Variants in CEP128 observed in about 807,000 individuals in gnomAD.
The protein encoded by CEP128 is centrosomal protein 128.
CEP128 carries 132 observed loss-of-function variants against 156.7 expected under a neutral mutation model. That is an observed-to-expected ratio of 0.84 (90% CI 0.73 to 0.97). The LOEUF is 0.97. Among genes scored for constraint, CEP128 ranks in the 50% least tolerant of loss-of-function variants. The pLI, the probability that CEP128 is intolerant of heterozygous loss-of-function variation, is 0.00. For synonymous variants in CEP128, 469 were observed against 448.9 expected (o/e 1.04, Z -0.57); for missense variants, 1,252 against 1,281.9 (o/e 0.98, Z 0.36).
intron 13 of CEP128, among the ~76,000 whole-genome samples, chr14:80,807,722 C>G (rs147320876): frequency 1.3e-5 from 2 of 152,182 alleles, no homozygotes; most frequent in Admixed American, 6.5e-5. Context: ...CTGCACCAGA[C>G]GGGAACTTGT....
intron 20 of CEP128, among the ~76,000 whole-genome samples, chr14:80,562,434 T>C (rs1049443593): frequency 6.6e-6 from 1 of 152,188 alleles, no homozygotes; most frequent in Non-Finnish European, 1.5e-5. Flanking sequence ...TATAGTTTTC[T>C]GTCTCAATTG....
intron 2 of CEP128, among the ~76,000 whole-genome samples, chr14:80,919,157 G>C (rs377049270): frequency 1.3e-5 from 2 of 152,082 alleles, no homozygotes; most frequent in East Asian, 1.9e-4. Flanking sequence ...CAAAATAACT[G>C]TCTTTGAGAT....
chr14:80,844,927 G>C (rs1456020211), intron 9 of CEP128, among the ~76,000 whole-genome samples: 1 of 151,956 alleles, frequency 6.6e-6, no homozygotes, highest in Non-Finnish European at 1.5e-5. Flanking sequence ...ATCCACCACT[G>C]TTTAGGGCAT....
intron 9 of CEP128, among the ~76,000 whole-genome samples, chr14:80,860,848 A>G (rs1185573780): frequency 6.6e-6 from 1 of 152,106 alleles, no homozygotes; most frequent in Non-Finnish European, 1.5e-5. Flanking sequence ...AAATCTGTCG[A>G]TTAATAAAGA....
downstream of CEP128, among the ~76,000 whole-genome samples, chr14:80,492,859 G>A (rs1374460293): frequency 6.6e-6 from 1 of 152,064 alleles, no homozygotes; most frequent in Admixed American, 6.6e-5. Flanking sequence ...AAGATTGTAA[G>A]CTAGTGACTA....
chr14:80,773,551 T>A (rs1192607370), intron 16 of CEP128, among the ~76,000 whole-genome samples: 1 of 152,166 alleles, frequency 6.6e-6, no homozygotes, highest in Non-Finnish European at 1.5e-5. Context: ...CAAAGACAGC[T>A]GATGTCATTT....
At chr14:80,657,609 C>A (rs1433203593) in intron 19 of CEP128, among the ~76,000 whole-genome samples, 4 of 152,072 alleles carry the variant, frequency 2.6e-5, no homozygotes, top group Non-Finnish European at 5.9e-5. Context: ...AGAAATCACA[C>A]CACTGCACTC....
Position 80,789,983 on chromosome 14 carries a change from C to T in CEP128, c.1560+2777G>A, listed in dbSNP as rs1027292519. The stretch of plus-strand genomic sequence containing the variant: ...ATTTCTTGAACTGTATGTGATAGGA[C>T]TCCATATGCATTCAAAAAATCATAT... On this transcript the variant is annotated intron_variant, in intron 14 of 24. Transcript: ENST00000555265. Among the ~76,000 whole-genome samples the T allele has an allele frequency of 2.0e-5, 3 of 152,048 alleles. No homozygotes were observed. In the East Asian group the frequency reaches 5.8e-4, roughly 29 times the overall value.
intron 9 of CEP128, 103 bp downstream of exon 9, chr14:80,862,654 C>T: frequency 1.3e-6 from 1 of 776,446 alleles, no homozygotes; most frequent in Non-Finnish European, 2.2e-6. Flanking sequence ...TAATACTTCT[C>T]AGATGGGTTG....
intron 19 of CEP128, among the ~76,000 whole-genome samples, chr14:80,684,609 C>T (rs1896453660): frequency 6.6e-6 from 1 of 150,836 alleles, no homozygotes; most frequent in African/African-American, 2.4e-5. Flanking sequence ...GCCAGCATAG[C>T]ATCATTCTAA....
chr14:80,708,465 C>G (rs1595258736), intron 19 of CEP128, among the ~76,000 whole-genome samples: 1 of 152,066 alleles, frequency 6.6e-6, no homozygotes, highest in East Asian at 1.9e-4. Context: ...CTTGCAAATA[C>G]TGTTTCCATT....
At chr14:80,536,785 C>A (rs548938907) in intron 21 of CEP128, among the ~76,000 whole-genome samples, 1 of 152,242 alleles carries the variant, frequency 6.6e-6, no homozygotes, top group African/African-American at 2.4e-5. Context: ...TCTTTATGAG[C>A]CCCAGTGTTC....
rs559470308 is a variant in CEP128, at chr14:80,729,058, G to GGTGTGTGTGTGTGTGT, written c.2806+14001_2806+14016dup. Among the ~76,000 whole-genome samples the GGTGTGTGTGTGTGTGT allele has an allele frequency of 2.3e-3, 244 of 105,012 alleles. 7 individuals are homozygous for GGTGTGTGTGTGTGTGT. Among genetic ancestry groups the GGTGTGTGTGTGTGTGT allele is most frequent in the East Asian group, 3.7e-3 (12 of 3,200 alleles). 68.9% of individuals were successfully genotyped at this position (105,012 alleles called of 152,430 possible). A position where few individuals can be genotyped will look rare whatever the true frequency, so the allele number is the denominator to read the frequency against. On this transcript the variant is annotated intron_variant, in intron 19 of 24. Coordinates refer to ENST00000555265, the MANE Select transcript of CEP128 (RefSeq NM_152446.5). ...CCTAGTCCCAGGCTGGGCTGGTGGG[G>GGTGTGTGTGTGTGTGT]GTGTGTGTGTGTGTGTGTGTGTGTG...
intron 13 of CEP128, among the ~76,000 whole-genome samples, chr14:80,826,903 A>G (rs2140024373): frequency 6.6e-6 from 1 of 152,344 alleles, no homozygotes; most frequent in East Asian, 1.9e-4. Context: ...ATGAATACAA[A>G]TAGGCTATCA....
rs543716922 is a variant in CEP128 at position 80,900,134 on chromosome 14, G to C, written c.481-105C>G. 6.0e-6 allele frequency: 4 copies of C among 667,650 alleles called. No homozygotes were observed. In the African/African-American group the frequency reaches 7.2e-5, roughly 12 times the overall value. The allele number at this position is 667,650 out of a possible 1,614,324, so 41.4% of individuals were successfully genotyped here. A position where few individuals can be genotyped will look rare whatever the true frequency, so the allele number is the denominator to read the frequency against. Reference sequence around the variant, plus strand: ...ATCTTGTTCCTTGCAATAATAACCAGATTCCGTAATATTATTATGAAAGAA... The same window carrying C: ...ATCTTGTTCCTTGCAATAATAACCACATTCCGTAATATTATTATGAAAGAA... On this transcript the variant is annotated intron_variant, in intron 6 of 24. Coordinates refer to ENST00000555265, the MANE Select transcript of CEP128 (RefSeq NM_152446.5).
intron 19 of CEP128, among the ~76,000 whole-genome samples, chr14:80,718,847 C>G (rs1300586755): frequency 6.6e-6 from 1 of 152,188 alleles, no homozygotes; most frequent in Non-Finnish European, 1.5e-5. Context: ...ACCAGCGAAC[C>G]TCTCATTTGC....
At chr14:80,663,640 G>A (rs955410853) in intron 19 of CEP128, among the ~76,000 whole-genome samples, 10 of 152,152 alleles carry the variant, frequency 6.6e-5, no homozygotes, top group Non-Finnish European at 1.2e-4. Context: ...CTCTGTGCGA[G>A]GCACTACCAA....
Position 80,628,771 on chromosome 14 carries a change from G to C in CEP128, c.2807-48348C>G, listed in dbSNP as rs79251075. Among the ~76,000 whole-genome samples the C allele has an allele frequency of 3.3e-3, 504 of 152,216 alleles. 9 individuals are homozygous for C. The East Asian group carries it at 0.054, about 16-fold the overall frequency. ...GCAGCAACAGCCCTGGACTTTCACC[G>C]GAGCTACTGATAAGTAAGCTCTTGC... On this transcript the variant is annotated intron_variant, in intron 19 of 24. Transcript: ENST00000555265.
intron 19 of CEP128, among the ~76,000 whole-genome samples, chr14:80,655,040 A>G (rs1238363225): frequency 6.6e-6 from 1 of 152,110 alleles, no homozygotes; most frequent in Non-Finnish European, 1.5e-5. Flanking sequence ...CTCTTTAGTT[A>G]GATGCCAATT....
Sources: gnomAD v4.1 joint callset for allele counts (sites outside exome capture counted in the v4.1 genomes callset) on GRCh38, gnomAD v4.1.1 for gene constraint, MANE v1.5 for transcripts, NCBI Gene and HGNC (gene_info 2026-07-23, HGNC 2026-07-21) for gene names.